KMT5B: variants seen among roughly 807,000 people sequenced by gnomAD.
KMT5B encodes the protein histone-lysine N-methyltransferase KMT5B.
A neutral mutation model predicts 83.2 loss-of-function variants in KMT5B; 10 were observed. That is an observed-to-expected ratio of 0.12 (90% CI 0.07 to 0.20). KMT5B has a LOEUF of 0.20. KMT5B is among the 10% of genes least tolerant of loss of function. The pLI is 1.00. For missense variants in KMT5B, 753 were observed against 1,067.2 expected, an observed-to-expected ratio of 0.71 and a Z score of 4.10; for synonymous variants, 349 against 388.8, an observed-to-expected ratio of 0.90 and a Z score of 1.20.
intron 10 of KMT5B, chr11:68,166,295 TTTG>T: frequency 2.7e-6 from 3 of 1,100,474 alleles, no homozygotes; most frequent in Non-Finnish European, 3.3e-6. Flanking sequence ...TTCCTTTCTC[TTTG>T]TTTAGTCTTC....
chr11:68,175,133 C>T lies in KMT5B; in HGVS notation c.428G>A (p.Arg143His), dbSNP rs775768094. ...CTCCAAGTGTTCATCTTTCTTAAAA[C>T]GTTCAATTACTTCCTTTAGTTCTTC... Reference protein sequence around the residue: ...RQEELKEVIERFKKDEHLEKA... With the variant: ...RQEELKEVIEHFKKDEHLEKA... Residue 143 changes from arginine (R) to histidine (H), a missense_variant, in exon 5 of 11, where the codon CGT becomes CAT. By Grantham distance (29) the Arg-to-His change is conservative. Around this residue, in one of 9 missense-constraint regions of KMT5B, gnomAD observed 71 missense variants for 107.0 expected, o/e 0.66. Coordinates refer to ENST00000304363, the MANE Select transcript of KMT5B (RefSeq NM_017635.5). 1 of 1,613,920 alleles carries T rather than the reference C, an allele frequency of 6.2e-7. No individual in the cohort carries two copies. Among genetic ancestry groups the T allele is most frequent in the Non-Finnish European group, 8.5e-7 (1 of 1,179,894 alleles).
chr11:68,200,070 C>G (rs1859239337), intron 1 of KMT5B, among the ~76,000 whole-genome samples: 1 of 152,070 alleles, frequency 6.6e-6, no homozygotes, highest in Non-Finnish European at 1.5e-5. Flanking sequence ...GAGTTGGCAG[C>G]TGGATACCAG....
At chr11:68,181,278 T>C (rs906452875) in intron 3 of KMT5B, among the ~76,000 whole-genome samples, 1 of 152,098 alleles carries the variant, frequency 6.6e-6, no homozygotes, top group African/African-American at 2.4e-5. Flanking sequence ...TTTCACCATG[T>C]TGGTCAGGCT....
At chr11:68,179,855 CAT>C in intron 4 of KMT5B, 1 of 408,396 alleles carries the variant, frequency 2.4e-6, no homozygotes, top group East Asian at 5.1e-5. Flanking sequence ...GAACCAAAAA[CAT>C]ACCTGGCTGA....
In KMT5B at chr11:68,174,047, T is replaced by C. The variant is rs184613232; in HGVS notation, c.544-134A>G. The C allele has an allele frequency of 2.0e-4, 137 of 701,032 alleles. No homozygotes were observed. In the East Asian group the frequency reaches 3.6e-3, roughly 18 times the overall value. The allele number at this position is 701,032 out of a possible 1,614,324, so 43.4% of individuals were successfully genotyped here. The stretch of plus-strand genomic sequence containing the variant: ...TAGCCTGAGCAACATAGCGAGACCC[T>C]GTCTCTACGAAAAACATTAGCCAAG... On this transcript the variant is annotated intron_variant, in intron 5 of 10. Coordinates refer to ENST00000304363, the MANE Select transcript of KMT5B (RefSeq NM_017635.5).
chr11:68,198,091 ATAC>A (rs1472825409), intron 1 of KMT5B, among the ~76,000 whole-genome samples: 8 of 152,196 alleles, frequency 5.3e-5, no homozygotes, highest in Admixed American at 1.3e-4. Context: ...ACACAAGTCG[ATAC>A]TGTAGTAGAG....
Position 68,171,743 on chromosome 11 carries a change from A to G in KMT5B, c.654-34T>C, listed in dbSNP as rs567090564. 2.9e-5 allele frequency: 44 copies of G among 1,501,374 alleles called. No individual in the cohort carries two copies. The East Asian group carries it at 8.6e-4, about 29-fold the overall frequency. The allele number at this position is 1,501,374 out of a possible 1,614,324, so 93.0% of individuals were successfully genotyped here. ...AATATGTGATGTGTTAAAAATTACT[A>G]GTAATTAAATATAGTAAGGCTTCTT... On this transcript the variant is annotated intron_variant, in intron 6 of 10. Transcript: ENST00000304363. The surrounding 1 kb of genome is among the most constrained non-coding windows in gnomAD (Gnocchi z 5.1).
chr11:68,209,492 G>T (rs1292996731), intron 1 of KMT5B, among the ~76,000 whole-genome samples: 1 of 152,200 alleles, frequency 6.6e-6, no homozygotes, highest in East Asian at 1.9e-4. Flanking sequence ...TTTGCGTAAG[G>T]CCTGAGAAGC....
At chr11:68,189,570 C>T in intron 2 of KMT5B, 1 of 168,704 alleles carries the variant, frequency 5.9e-6, no homozygotes. Flanking sequence ...AAGTACATAC[C>T]TATACTTACA....
intron 1 of KMT5B, among the ~76,000 whole-genome samples, chr11:68,193,623 C>T (rs1003726118): frequency 1.3e-5 from 2 of 151,826 alleles, no homozygotes. Context: ...TAACTTTTAA[C>T]GTGCCTTTTG....
At position 68,166,308 on chromosome 11, in the gene KMT5B, C is replaced by T. The variant is rs1306990808; in HGVS notation, c.1174+674G>A. The T allele has an allele frequency of 6.5e-6, 7 of 1,072,012 alleles. No individual in the cohort carries two copies. The South Asian group carries it at 1.0e-4, about 16-fold the overall frequency. The allele number at this position is 1,072,012 out of a possible 1,614,324, so 66.4% of individuals were successfully genotyped here. ...CTTTCCTTTCTCTTTGTTTAGTCTT[C>T]GTTCTCTTTTTCAGTTTCCATCAGA... On this transcript the variant is annotated intron_variant, in intron 10 of 10. Coordinates refer to ENST00000304363, the MANE Select transcript of KMT5B (RefSeq NM_017635.5).
intron 3 of KMT5B, among the ~76,000 whole-genome samples, chr11:68,183,067 T>C (rs1857100073): frequency 6.6e-6 from 1 of 152,146 alleles, no homozygotes; most frequent in Admixed American, 6.6e-5. Context: ...CTGTTTTATA[T>C]GCTTCCATAT....
At chr11:68,169,873 T>C (rs1855678114) in intron 9 of KMT5B, among the ~76,000 whole-genome samples, 1 of 150,962 alleles carries the variant, frequency 6.6e-6, no homozygotes, top group Non-Finnish European at 1.5e-5. Context: ...AATTTTTATG[T>C]AGAAAAAGAT....
chr11:68,203,443 G>A (rs973900639), intron 1 of KMT5B, among the ~76,000 whole-genome samples: 3 of 152,028 alleles, frequency 2.0e-5, no homozygotes, highest in South Asian at 2.1e-4. Flanking sequence ...ATTCCAAATC[G>A]GTCTTTATCA....
chr11:68,211,602 G>C (rs1049892177), intron 1 of KMT5B, among the ~76,000 whole-genome samples: 5 of 152,164 alleles, frequency 3.3e-5, no homozygotes, highest in Non-Finnish European at 7.3e-5. Context: ...CCTGCCCGTG[G>C]GCGGACGAGA....
chr11:68,189,843 T>C, intron 2 of KMT5B, 74 bp downstream of exon 2: 1 of 1,404,700 alleles, frequency 7.1e-7, no homozygotes, highest in African/African-American at 1.4e-5. Context: ...GAAAACAGAA[T>C]ACACATTACA....
intron 1 of KMT5B, among the ~76,000 whole-genome samples, chr11:68,199,378 A>G (rs1008386410): frequency 7.2e-5 from 11 of 152,158 alleles, no homozygotes; most frequent in Non-Finnish European, 1.5e-4. Flanking sequence ...CTAAGACAGC[A>G]AGGGATGTGA....
At position 68,167,699 on chromosome 11, in the gene KMT5B, C is replaced by G. The variant is rs915896728; in HGVS notation, c.978-521G>C. 2.0e-5 allele frequency among the ~76,000 whole-genome samples: 3 copies of G among 152,166 alleles called. No individual in the cohort carries two copies. The South Asian group carries it at 6.2e-4, about 32-fold the overall frequency. On this transcript the variant is annotated intron_variant, in intron 9 of 10. Transcript: ENST00000304363. ...TCTCCAACTGCTGGGCTCAAGGGATCTTCCCAGCTGGGTCTCCCAAAGTGC... is the reference window on the plus strand; with the variant it reads ...TCTCCAACTGCTGGGCTCAAGGGATGTTCCCAGCTGGGTCTCCCAAAGTGC...
chr11:68,188,477 G>C (rs1857677289), intron 2 of KMT5B, among the ~76,000 whole-genome samples: 1 of 151,692 alleles, frequency 6.6e-6, no homozygotes, highest in South Asian at 2.1e-4. Context: ...TCTCAAAGTA[G>C]TTGGAACCAT....
Sources: gnomAD v4.1 joint callset for allele counts (sites outside exome capture counted in the v4.1 genomes callset) on GRCh38, gnomAD v4.1.1 for gene constraint, gnomAD v4.1.1 regional missense constraint, Gnocchi (gnomAD v3.1) non-coding constraint, MANE v1.5 for transcripts, NCBI Gene and HGNC (gene_info 2026-07-23, HGNC 2026-07-21) for gene names.